Variants in PIGK observed in about 807,000 individuals in gnomAD.
The protein encoded by PIGK is phosphatidylinositol glycan anchor biosynthesis class K, also known as GPI-anchor transamidase.
In PIGK, 42 loss-of-function variants were observed where a neutral mutation model predicts 50.6. The ratio of observed to expected loss-of-function variants is 0.83; its 90% CI spans 0.65 to 1.07. The LOEUF is 1.07. Among genes scored for constraint, PIGK ranks in the 50% least tolerant of loss-of-function variants. The probability of loss-of-function intolerance (pLI) is 0.00; values close to 1 mark genes in which losing one functional copy is unlikely to be tolerated. For synonymous variants in PIGK, 151 were observed against 156.0 expected, an observed-to-expected ratio of 0.97 and a Z score of 0.24; for missense variants, 448 against 488.7, an observed-to-expected ratio of 0.92 and a Z score of 0.78.
intron 3 of PIGK, among the ~76,000 whole-genome samples, chr1:77,188,083 T>C (rs1338738957): frequency 1.3e-5 from 2 of 152,144 alleles, no homozygotes; most frequent in Non-Finnish European, 2.9e-5. Flanking sequence ...ACTGCACAAA[T>C]TGTACAGCAT....
intron 3 of PIGK, among the ~76,000 whole-genome samples, chr1:77,179,594 C>T (rs1655566065): frequency 6.6e-6 from 1 of 152,164 alleles, no homozygotes; most frequent in Admixed American, 6.5e-5. Flanking sequence ...ACTTCCTTTC[C>T]CTTTTTTTTC....
At chr1:77,178,212 T>C (rs1655530741) in intron 3 of PIGK, among the ~76,000 whole-genome samples, 1 of 152,190 alleles carries the variant, frequency 6.6e-6, no homozygotes, top group Admixed American at 6.5e-5. Flanking sequence ...GGTATATACA[T>C]TGCCTCATAA....
At chr1:77,186,927 C>G (rs1655762046) in intron 3 of PIGK, among the ~76,000 whole-genome samples, 1 of 152,182 alleles carries the variant, frequency 6.6e-6, no homozygotes, top group Non-Finnish European at 1.5e-5. Context: ...ACGAAAAGGG[C>G]AGTGGTTTGT....
At chr1:77,194,809 A>T in intron 3 of PIGK, 1 of 366,726 alleles carries the variant, frequency 2.7e-6, no homozygotes, top group Non-Finnish European at 5.3e-6. Context: ...AAAGAAAAAA[A>T]AAAAAAGACT....
intron 3 of PIGK, among the ~76,000 whole-genome samples, chr1:77,193,234 G>A (rs890902091): frequency 7.3e-6 from 1 of 136,830 alleles, no homozygotes; most frequent in Non-Finnish European, 1.5e-5. Flanking sequence ...AGCTGACAGT[G>A]TGGCATGAGA....
intron 3 of PIGK, among the ~76,000 whole-genome samples, chr1:77,191,277 C>T (rs1416293296): frequency 1.3e-5 from 2 of 152,178 alleles, no homozygotes; most frequent in Admixed American, 1.3e-4. Context: ...TTAAAATCTT[C>T]ATACATTGCA....
At chr1:77,177,596 T>C (rs778169955) in intron 3 of PIGK, among the ~76,000 whole-genome samples, 54 of 152,226 alleles carry the variant, frequency 3.5e-4, no homozygotes, top group Non-Finnish European at 7.1e-4. Context: ...AATATGTGGG[T>C]AAATCTCTGT....
At chr1:77,178,331 C>T (rs1655532942) in intron 3 of PIGK, among the ~76,000 whole-genome samples, 1 of 152,150 alleles carries the variant, frequency 6.6e-6, no homozygotes, top group Non-Finnish European at 1.5e-5. Flanking sequence ...TTGTTAGGTC[C>T]TTTTTCCATG....
intron 3 of PIGK, among the ~76,000 whole-genome samples, chr1:77,183,307 C>A (rs1015708887): frequency 6.6e-6 from 1 of 152,210 alleles, no homozygotes; most frequent in African/African-American, 2.4e-5. Context: ...CCAGCAGTGG[C>A]AACATCCCCT....
chr1:77,116,669 C>T (rs887570919), intron 10 of PIGK, among the ~76,000 whole-genome samples: 1 of 151,198 alleles, frequency 6.6e-6, no homozygotes, highest in Non-Finnish European at 1.5e-5. Flanking sequence ...AGTGTCACAA[C>T]AGAAATAATA....
chr1:77,169,496 CCTT>C (rs1180123445), intron 3 of PIGK, 101 bp from the exon 4 acceptor site: 3 of 885,438 alleles, frequency 3.4e-6, no homozygotes, highest in African/African-American at 3.5e-5. Flanking sequence ...TTTTTCTCCT[CCTT>C]AAAAAAAAAT....
In PIGK at chr1:77,219,333, T is replaced by C. The variant is rs1656667744; in HGVS notation, c.70A>G (p.Ser24Gly). 8 of 1,613,778 alleles carry C rather than the reference T, an allele frequency of 5.0e-6. No individual in the cohort carries two copies. The highest frequency in any genetic ancestry group is 6.8e-6 in the Non-Finnish European group (8 of 1,179,768). The change falls in exon 1 of 11, where the codon AGC becomes GGC. Residue 24 changes from serine to glycine, a missense_variant. Coordinates refer to ENST00000370812, the MANE Select transcript of PIGK (RefSeq NM_005482.3). ...ACCTCGATATGACTAGCGGCCACGC[T>C]GCCGAAGGACAAGAGCAACACAGTT... ...LATVLLLSFG[S>G]VAASHIEDQA...
chr1:77,146,537 T>C (rs1217653493), intron 9 of PIGK, among the ~76,000 whole-genome samples: 2 of 152,064 alleles, frequency 1.3e-5, no homozygotes, highest in Non-Finnish European at 2.9e-5. Context: ...GGCTCACACA[T>C]GTAATCCCAG....
At chr1:77,149,108 C>T (rs1161337624) in intron 9 of PIGK, among the ~76,000 whole-genome samples, 1 of 151,758 alleles carries the variant, frequency 6.6e-6, no homozygotes, top group East Asian at 1.9e-4. Flanking sequence ...ACACTAAAAG[C>T]AAAAAGCAAT....
At chr1:77,108,341 A>C (rs1212414658) in intron 10 of PIGK, among the ~76,000 whole-genome samples, 1 of 152,110 alleles carries the variant, frequency 6.6e-6, no homozygotes, top group Non-Finnish European at 1.5e-5. Flanking sequence ...TATCTCCTTC[A>C]CTTATGAAGC....
chr1:77,172,910 C>T (rs570907859), intron 3 of PIGK, among the ~76,000 whole-genome samples: 2 of 152,084 alleles, frequency 1.3e-5, no homozygotes, highest in Admixed American at 6.5e-5. Flanking sequence ...GGCGACAGAG[C>T]GAGACTCCGC....
chr1:77,152,610 G>A (rs1654917228), intron 9 of PIGK, among the ~76,000 whole-genome samples: 1 of 151,668 alleles, frequency 6.6e-6, no homozygotes, highest in African/African-American at 2.4e-5. Context: ...CACCTGACAA[G>A]CAATTAATAA....
chr1:77,215,522 A>C (rs1656538901), intron 1 of PIGK, among the ~76,000 whole-genome samples: 1 of 152,168 alleles, frequency 6.6e-6, no homozygotes, highest in African/African-American at 2.4e-5. Flanking sequence ...AGCTCCTCAA[A>C]ACACTCAAAA....
At chr1:77,132,409 T>C (rs1332858046) in intron 9 of PIGK, among the ~76,000 whole-genome samples, 1 of 151,960 alleles carries the variant, frequency 6.6e-6, no homozygotes, top group Admixed American at 6.6e-5. Flanking sequence ...AACAATTACC[T>C]TGGACATTAG....
Sources: allele counts gnomAD v4.1 joint callset (sites outside exome capture counted in the v4.1 genomes callset), GRCh38; gene constraint gnomAD v4.1.1; transcripts MANE v1.5; gene names NCBI Gene and HGNC (gene_info 2026-07-23, HGNC 2026-07-21).